The following RNF150 variants were observed in gnomAD, a reference collection of about 807,000 sequenced individuals.
RNF150 encodes the protein ring finger protein 150.
Under a neutral mutation model 39.3 loss-of-function variants are expected in RNF150, and 24 were observed. The observed-to-expected ratio is 0.61, with a 90% CI of 0.44 to 0.86. RNF150 has a LOEUF of 0.86. Ranked by LOEUF, RNF150 falls within the 40% of genes least tolerant of loss-of-function variation. The pLI is 0.00. For missense variants in RNF150, 502 were observed against 587.8 expected (o/e 0.85, Z 1.51); for synonymous variants, 255 against 227.3 (o/e 1.12, Z -1.10).
chr4:141,072,629 T>C (rs1370027119), intron 1 of RNF150, among the ~76,000 whole-genome samples: 1 of 152,190 alleles, frequency 6.6e-6, no homozygotes, highest in Non-Finnish European at 1.5e-5. Context: ...ACAAATATAA[T>C]TACATCTTTA....
At chr4:141,105,314 C>G (rs758396397) in intron 1 of RNF150, among the ~76,000 whole-genome samples, 2 of 152,142 alleles carry the variant, frequency 1.3e-5, no homozygotes, top group Non-Finnish European at 2.9e-5. Flanking sequence ...AATGTGATAA[C>G]TGAATTGGAT....
chr4:141,186,036 C>G (rs1168460545), intron 1 of RNF150, among the ~76,000 whole-genome samples: 1 of 152,046 alleles, frequency 6.6e-6, no homozygotes, highest in Non-Finnish European at 1.5e-5. Flanking sequence ...CAGGATGATG[C>G]TGGCCTCATA....
chr4:140,936,183 T>C (rs1048464146), intron 4 of RNF150, among the ~76,000 whole-genome samples: 5 of 152,224 alleles, frequency 3.3e-5, no homozygotes, highest in African/African-American at 1.2e-4. Context: ...AGATTTTCCA[T>C]TGTTAGACAT....
chr4:141,176,180 G>A (rs1010400036), intron 1 of RNF150, among the ~76,000 whole-genome samples: 3 of 151,856 alleles, frequency 2.0e-5, no homozygotes, highest in South Asian at 2.1e-4. Context: ...TTACAGGCAT[G>A]AGCCACCACA....
chr4:141,085,507 A>G (rs1049642225), intron 1 of RNF150, among the ~76,000 whole-genome samples: 131 of 152,304 alleles, frequency 8.6e-4, no homozygotes, highest in African/African-American at 3.0e-3. Context: ...AGTCAGCACC[A>G]ACTGCCTGAC....
intron 1 of RNF150, among the ~76,000 whole-genome samples, chr4:140,989,453 C>T (rs925237365): frequency 4.6e-5 from 7 of 151,952 alleles, no homozygotes; most frequent in African/African-American, 9.7e-5. Context: ...ACCTCCATAG[C>T]GGCAAAAAGA....
intron 4 of RNF150, among the ~76,000 whole-genome samples, chr4:140,926,366 A>T (rs1335894496): frequency 1.3e-5 from 2 of 152,224 alleles, no homozygotes; most frequent in African/African-American, 4.8e-5. Flanking sequence ...AATAGGAAGA[A>T]GCTCCAATGA....
intron 6 of RNF150, among the ~76,000 whole-genome samples, chr4:140,874,533 A>T (rs1424079451): frequency 1.3e-5 from 2 of 152,266 alleles, no homozygotes; most frequent in African/African-American, 2.4e-5. Context: ...ATTAATGCTT[A>T]CTGAGTACTT....
At chr4:141,195,558 GT>G (rs1365304736) in intron 1 of RNF150, among the ~76,000 whole-genome samples, 1 of 152,134 alleles carries the variant, frequency 6.6e-6, no homozygotes, top group Non-Finnish European at 1.5e-5. Flanking sequence ...GGGGGATGTT[GT>G]TATGGTAGAA....
chr4:141,004,108 A>G (rs1734776036), intron 1 of RNF150, among the ~76,000 whole-genome samples: 1 of 152,088 alleles, frequency 6.6e-6, no homozygotes, highest in African/African-American at 2.4e-5. Flanking sequence ...ACGAACTTCT[A>G]TTGAGCATTT....
At chr4:140,880,784 T>G (rs998553788) in intron 6 of RNF150, among the ~76,000 whole-genome samples, 1 of 152,132 alleles carries the variant, frequency 6.6e-6, no homozygotes. Flanking sequence ...GTCTAGGAAT[T>G]TCTACATTTA....
At chr4:140,881,524 T>G (rs577132760) in intron 6 of RNF150, among the ~76,000 whole-genome samples, 1 of 152,286 alleles carries the variant, frequency 6.6e-6, no homozygotes, top group South Asian at 2.1e-4. Flanking sequence ...TGTTTTCATT[T>G]GTCTCAAGAC....
intron 2 of RNF150, among the ~76,000 whole-genome samples, chr4:140,955,827 A>T: frequency 6.6e-6 from 1 of 152,302 alleles, no homozygotes; most frequent in African/African-American, 2.4e-5. Flanking sequence ...TGTTTATTTT[A>T]AATTTCATTA....
intron 4 of RNF150, among the ~76,000 whole-genome samples, chr4:140,937,417 C>A (rs554646800): frequency 6.6e-6 from 1 of 152,048 alleles, no homozygotes; most frequent in Non-Finnish European, 1.5e-5. Flanking sequence ...CCCGGCACAA[C>A]GCCCATCTAA....
chr4:140,943,042 G>A (rs1732149796), intron 4 of RNF150, among the ~76,000 whole-genome samples: 1 of 152,128 alleles, frequency 6.6e-6, no homozygotes, highest in South Asian at 2.1e-4. Context: ...TAAGCTAAAG[G>A]GGGCCAGGAC....
rs77608965 is a variant in RNF150, at chr4:140,860,195, A to G, written c.*8066T>C. The G allele has an allele frequency of 4.0e-5, 6 of 150,440 alleles. No homozygotes were observed. The East Asian group carries it at 1.2e-3, about 29-fold the overall frequency. The allele number at this position is 150,440 out of a possible 1,614,324, so 9.3% of individuals were successfully genotyped here. A position where few individuals can be genotyped will look rare whatever the true frequency, so the allele number is the denominator to read the frequency against. ...GAGGGATATAAAGTGCTCTGAAAGG[A>G]GTAGGGTAGGTGCCTGAGGTGGGGA... On this transcript the variant is annotated 3_prime_UTR_variant, in exon 7 of 7. Transcript: ENST00000515673.
chr4:141,031,633 C>T (rs1259722711), intron 1 of RNF150, among the ~76,000 whole-genome samples: 3 of 151,910 alleles, frequency 2.0e-5, no homozygotes, highest in Admixed American at 6.6e-5. Context: ...ATGCAAATGG[C>T]CAACATGTAT....
At chr4:140,903,119 C>T (rs1730247105) in intron 6 of RNF150, among the ~76,000 whole-genome samples, 1 of 152,126 alleles carries the variant, frequency 6.6e-6, no homozygotes, top group African/African-American at 2.4e-5. Context: ...TTAGAAATCA[C>T]CTAACAAAAA....
At chr4:140,898,707 A>G (rs1015557978) in intron 6 of RNF150, among the ~76,000 whole-genome samples, 1 of 152,242 alleles carries the variant, frequency 6.6e-6, no homozygotes, top group South Asian at 2.1e-4. Flanking sequence ...TTTTTTAACA[A>G]GGAAGATATG....
Sources: gnomAD v4.1 joint callset for allele counts (sites outside exome capture counted in the v4.1 genomes callset) on GRCh38, gnomAD v4.1.1 for gene constraint, MANE v1.5 for transcripts, NCBI Gene and HGNC (gene_info 2026-07-23, HGNC 2026-07-21) for gene names.